The following SMARCA4 variants were observed in gnomAD, a reference collection of about 807,000 sequenced individuals.
SMARCA4 encodes the protein SWI/SNF-related matrix-associated actin-dependent regulator of chromatin subfamily A member 4.
Under a neutral mutation model 193.9 loss-of-function variants are expected in SMARCA4, and 31 were observed. The observed-to-expected ratio is 0.16, with a 90% confidence interval of 0.12 to 0.22. SMARCA4 has a LOEUF of 0.22. SMARCA4 is among the 10% of genes least tolerant of loss of function. The pLI, the probability that SMARCA4 is intolerant of heterozygous loss-of-function variation, is 1.00. For synonymous variants in SMARCA4, 942 were observed against 933.1 expected (o/e 1.01, Z -0.17); for missense variants, 1,148 against 2,296.0 (o/e 0.50, Z 10.22).
At chr19:11,026,195 A>G (rs1438429679) in intron 22 of SMARCA4, 105 bp from the exon 23 acceptor site, 6 of 898,708 alleles carry the variant, frequency 6.7e-6, no homozygotes, top group South Asian at 2.6e-5. Flanking sequence ...CCGAGCACAC[A>G]GTGTGGGGGC....
At chr19:10,996,052 T>A in intron 9 of SMARCA4, 161 bp from the exon 10 acceptor site, 1 of 787,424 alleles carries the variant, frequency 1.3e-6, no homozygotes, top group Non-Finnish European at 2.3e-6. Flanking sequence ...TTTGAGGAAA[T>A]GATTCCTGAA....
intron 30 of SMARCA4, among the ~76,000 whole-genome samples, chr19:11,043,315 T>G (rs2075726185): frequency 6.6e-6 from 1 of 151,850 alleles, no homozygotes; most frequent in South Asian, 2.1e-4. Context: ...AAAGGTTCTT[T>G]TATTATTGGA....
At position 10,995,139 on chromosome 19, in the gene SMARCA4, G is replaced by A. The variant is rs554278126; in HGVS notation, c.1593+138G>A. On this transcript the variant is annotated intron_variant, in intron 9 of 34. Transcript: ENST00000344626. ...GTGGGACAGAGGGAAAAGAGCAGGC[G>A]CGGGCTTGGGAGTCAGTCCTGGGCT... The A allele has an allele frequency of 2.6e-4, 207 of 803,018 alleles. 1 individual carries two copies. In the East Asian group the frequency reaches 4.4e-3, roughly 17 times the overall value. 49.7% of individuals were successfully genotyped at this position (803,018 alleles called of 1,614,324 possible).
At chr19:11,003,491 C>A in intron 13 of SMARCA4, 94 bp downstream of exon 13, 1 of 1,220,348 alleles carries the variant, frequency 8.2e-7, no homozygotes, top group Non-Finnish European at 1.2e-6. Flanking sequence ...CCTGGCTGGG[C>A]ATCTTGTGGG....
intron 1 of SMARCA4, among the ~76,000 whole-genome samples, chr19:10,962,984 A>G (rs901907720): frequency 7.9e-5 from 12 of 152,140 alleles, no homozygotes; most frequent in Non-Finnish European, 1.6e-4. Flanking sequence ...CTGGCCCCAC[A>G]GTACCCTGGG....
intron 20 of SMARCA4, among the ~76,000 whole-genome samples, chr19:11,023,881 G>T (rs2090050225): frequency 6.6e-6 from 1 of 152,246 alleles, no homozygotes; most frequent in African/African-American, 2.4e-5. Context: ...AGGGGGCCAG[G>T]TGCCTGTGCG....
In SMARCA4 at chr19:10,986,582, G is replaced by C. The variant is rs1257597317; in HGVS notation, c.749G>C (p.Ser250Thr). ...PGPGPAPPNY[S>T]RPHGMGGPNM... ...CCCGGCCCGGCACCTCCAAATTACA[G>C]CAGGCCTCATGGTAAGACTGGCTGC... The change falls in exon 4 of 35, where the codon AGC becomes ACC. Residue 250 changes from serine (S) to threonine (T), a missense_variant. By Grantham distance (58) the Ser-to-Thr change is moderately conservative. This residue lies in a region of SMARCA4 where 257 missense variants were observed against 276.5 expected (regional missense o/e 0.93). Coordinates refer to ENST00000344626, the MANE Select transcript of SMARCA4 (RefSeq NM_003072.5). This position sits in a 1 kb window ranked among gnomAD's most constrained non-coding sequence, Gnocchi z 6.7. The C allele has an allele frequency of 6.5e-7, 1 of 1,536,308 alleles. No individual in the cohort carries two copies. The highest frequency in any genetic ancestry group is 8.7e-7 in the Non-Finnish European group (1 of 1,146,768).
At chr19:10,974,511 A>T (rs2084939192) in intron 1 of SMARCA4, among the ~76,000 whole-genome samples, 3 of 147,938 alleles carry the variant, frequency 2.0e-5, no homozygotes, top group Non-Finnish European at 3.0e-5. Flanking sequence ...AAAGTAATAG[A>T]TGGCTATTGT....
At chr19:11,028,898 T>C (rs766357115) in intron 24 of SMARCA4, among the ~76,000 whole-genome samples, 3 of 152,148 alleles carry the variant, frequency 2.0e-5, no homozygotes, top group Non-Finnish European at 4.4e-5. Context: ...CCCAGAGCCT[T>C]TGTTGAAGCT....
At chr19:11,022,800 C>T (rs185048356) in intron 19 of SMARCA4, among the ~76,000 whole-genome samples, 13 of 152,262 alleles carry the variant, frequency 8.5e-5, no homozygotes, top group African/African-American at 2.4e-4. Context: ...TTCCCCAAAG[C>T]CTCGTGATAA....
At chr19:11,020,005 C>T (rs1007314072) in intron 18 of SMARCA4, among the ~76,000 whole-genome samples, 3 of 152,242 alleles carry the variant, frequency 2.0e-5, no homozygotes, top group African/African-American at 7.2e-5. Context: ...TCCTGACCCG[C>T]CTACAGAGTC....
intron 32 of SMARCA4, chr19:11,059,166 A>G: frequency 4.6e-6 from 2 of 433,936 alleles, no homozygotes; most frequent in Non-Finnish European, 8.5e-6. Context: ...AGCAATTACA[A>G]AAGCAGTATG....
chr19:11,059,939 C>CG, intron 33 of SMARCA4, 54 bp downstream of exon 33: 16 of 1,613,466 alleles, frequency 9.9e-6, no homozygotes, highest in Non-Finnish European at 1.4e-5. Context: ...CGAGAGCCCC[C>CG]AAGGCCCCAG....
At chr19:11,027,484 G>A (rs767301183) in intron 23 of SMARCA4, among the ~76,000 whole-genome samples, 9 of 152,210 alleles carry the variant, frequency 5.9e-5, no homozygotes, top group African/African-American at 1.4e-4. Context: ...TTCCAGCCCC[G>A]TGTTGTGCCG....
chr19:11,016,975 A>G (rs2089420780), intron 16 of SMARCA4, among the ~76,000 whole-genome samples: 1 of 151,752 alleles, frequency 6.6e-6, no homozygotes, highest in Non-Finnish European at 1.5e-5. Flanking sequence ...TGGGTCCTGG[A>G]TGGGCCTGTT....
intron 20 of SMARCA4, 78 bp downstream of exon 20, chr19:11,023,709 C>A: frequency 2.3e-6 from 2 of 867,116 alleles, no homozygotes; most frequent in East Asian, 5.3e-5. Context: ...GTGCTCAGGG[C>A]CTCTCCCCAC....
At chr19:10,978,881 G>A (rs1241324073) in intron 1 of SMARCA4, among the ~76,000 whole-genome samples, 3 of 152,040 alleles carry the variant, frequency 2.0e-5, no homozygotes, top group Admixed American at 6.6e-5. Context: ...CCTAGGAGGC[G>A]GAGGTTGCAG....
chr19:10,997,618 G>A (rs1173057777), intron 11 of SMARCA4, among the ~76,000 whole-genome samples: 6 of 151,964 alleles, frequency 3.9e-5, no homozygotes, highest in Non-Finnish European at 7.4e-5. Flanking sequence ...AAGCCACCAC[G>A]CCTGGCCTAA....
rs2146822019 is a variant in SMARCA4 at position 11,041,516 on chromosome 19, G to A, written c.4380G>A (p.Lys1460=). The A allele has an allele frequency of 1.9e-6, 3 of 1,613,880 alleles. No homozygotes were observed. The highest frequency in any genetic ancestry group is 2.5e-6 in the Non-Finnish European group (3 of 1,179,994). The stretch of plus-strand genomic sequence containing the variant: ...CCCCTAACCCACCCAACCTCACCAA[G>A]AAGATGAAGAAGATTGTGGATGCCG... ...KLSPNPPNLT[K]KMKKIVDAVI... Residue 1460 remains lysine (K), a synonymous_variant, in exon 30 of 35, where the codon AAG becomes AAA. Coordinates refer to ENST00000344626, the MANE Select transcript of SMARCA4 (RefSeq NM_003072.5). This position sits in a 1 kb window ranked among gnomAD's most constrained non-coding sequence, Gnocchi z 5.6.
Sources: allele counts gnomAD v4.1 joint callset (sites outside exome capture counted in the v4.1 genomes callset), GRCh38; gene constraint gnomAD v4.1.1; regional missense constraint gnomAD v4.1.1; non-coding constraint Gnocchi (gnomAD v3.1); transcripts MANE v1.5; gene names NCBI Gene and HGNC (gene_info 2026-07-23, HGNC 2026-07-21).